The following QRFP variants were observed in gnomAD, a reference collection of about 807,000 sequenced individuals.
QRFP encodes the protein orexigenic neuropeptide QRFP.
A neutral mutation model predicts 9.1 loss-of-function variants in QRFP; 7 were observed. The observed-to-expected ratio is 0.77, with a 90% CI of 0.44 to 1.45. QRFP has a LOEUF of 1.45. Ranked by LOEUF, QRFP falls within the 40% of genes most tolerant of loss-of-function variation. The pLI is 0.01. For synonymous variants in QRFP, 91 were observed against 80.2 expected, an observed-to-expected ratio of 1.13 and a Z score of -0.72; for missense variants, 204 against 185.4, an observed-to-expected ratio of 1.10 and a Z score of -0.58.
In QRFP at chr9:130,893,237, C is replaced by G. The variant is rs1406329806; in HGVS notation, c.*191G>C. On this transcript the variant is annotated 3_prime_UTR_variant, in exon 3 of 3. Transcript: ENST00000623824. ...AAGACAGCCTCCTTTTTGACACTGC[C>G]TAGTTTTTCGCTTCAGCAAAGTTGG... 1 of 540,512 alleles carries G rather than the reference C, an allele frequency of 1.9e-6. No homozygotes were observed. The highest frequency in any genetic ancestry group is 3.1e-6 in the Non-Finnish European group (1 of 325,784). The allele number at this position is 540,512 out of a possible 1,614,324, so 33.5% of individuals were successfully genotyped here.
At position 130,893,455 on chromosome 9, in the gene QRFP, G is replaced by A; in HGVS notation, c.384C>T (p.Gly128=). 2 of 1,588,634 alleles carry A rather than the reference G, an allele frequency of 1.3e-6. No individual in the cohort carries two copies. Among genetic ancestry groups the A allele is most frequent in the South Asian group, 1.1e-5 (1 of 89,496 alleles). ...ELNGYSRKKG[G]FSFRFGRR ...ACCGCCGACCGAAGCGGAAGCTGAAGCCGCCTTTCTTCCTGCTGTAGCCAT... is the reference window on the plus strand; with the variant it reads ...ACCGCCGACCGAAGCGGAAGCTGAAACCGCCTTTCTTCCTGCTGTAGCCAT... The change falls in exon 3 of 3, where the codon GGC becomes GGT. Residue 128 remains glycine (G), a synonymous_variant. Transcript: ENST00000623824.
intron 2 of QRFP, among the ~76,000 whole-genome samples, chr9:130,895,075 C>T (rs1027230707): frequency 3.1e-4 from 47 of 152,180 alleles, no homozygotes; most frequent in Admixed American, 1.1e-3. Flanking sequence ...CATGCAACCC[C>T]ACTTTCTACC....
Position 130,893,596 on chromosome 9 carries a change from A to T in QRFP, c.243T>A (p.His81Gln). The change falls in exon 3 of 3, where the codon CAT (histidine) becomes CAA (glutamine). Residue 81 changes from histidine (H) to glutamine (Q), a missense_variant. Physicochemically the swap from His to Gln is conservative, Grantham distance 24 (BLOSUM62 0). Coordinates refer to ENST00000623824, the MANE Select transcript of QRFP (RefSeq NM_198180.3). The part of the protein sequence containing the change: ...ARGLQTSGRE[H>Q]AGCRFRFGRQ... ...TCCCGAAGCGGAATCTGCAGCCAGC[A>T]TGCTCTCTGCCCGATGTCTGCAGCC... 1.9e-6 allele frequency: 3 copies of T among 1,612,592 alleles called. No individual in the cohort carries two copies. Among genetic ancestry groups the T allele is most frequent in the Non-Finnish European group, 2.5e-6 (3 of 1,179,658 alleles).
At chr9:130,894,521 C>A (rs1404378151) in intron 2 of QRFP, among the ~76,000 whole-genome samples, 1 of 152,134 alleles carries the variant, frequency 6.6e-6, no homozygotes, top group Admixed American at 6.6e-5. Flanking sequence ...ACAAAACTGT[C>A]AGAAAAACTG....
In QRFP at chr9:130,893,688, A is replaced by T. The variant is rs753817825; in HGVS notation, c.151T>A (p.Ser51Thr). The T allele has an allele frequency of 6.2e-7, 1 of 1,608,288 alleles. No homozygotes were observed. Among genetic ancestry groups the T allele is most frequent in the Non-Finnish European group, 8.5e-7 (1 of 1,177,442 alleles). ...ADLAMGPRPH[S>T]VWGSSRWLRA... ...AGCCACCGAGAGGAACCCCACACGG[A>T]GTGGGGTCGGGGCCCCATGGCCAGG... The change falls in exon 3 of 3, where the codon TCC becomes ACC. Residue 51 changes from serine to threonine, a missense_variant. Coordinates refer to ENST00000623824, the MANE Select transcript of QRFP (RefSeq NM_198180.3).
intron 2 of QRFP, among the ~76,000 whole-genome samples, chr9:130,894,774 C>CT (rs1256450695): frequency 6.6e-6 from 1 of 152,152 alleles, no homozygotes; most frequent in African/African-American, 2.4e-5. Context: ...CGTGCCCTAA[C>CT]TCCCTCCTCT....
In QRFP at chr9:130,893,222, C is replaced by T; in HGVS notation, c.*206G>A. 1 of 489,208 alleles carries T rather than the reference C, an allele frequency of 2.0e-6. No homozygotes were observed. The highest frequency in any genetic ancestry group is 4.6e-5 in the South Asian group (1 of 21,968). 30.3% of individuals were successfully genotyped at this position (489,208 alleles called of 1,614,324 possible). ...GACGACCGAGGCTCCAAGACAGCCT[C>T]CTTTTTGACACTGCCTAGTTTTTCG... is the stretch of plus-strand genomic sequence containing the variant. On this transcript the variant is annotated 3_prime_UTR_variant, in exon 3 of 3. Transcript: ENST00000623824.
In QRFP at chr9:130,893,715, C is replaced by T. The variant is rs767309119; in HGVS notation, c.124G>A (p.Asp42Asn). Residue 42 changes from aspartate (D) to asparagine (N), a missense_variant, in exon 3 of 3, where the codon GAC becomes AAC. By Grantham distance (23) the Asp-to-Asn change is conservative. Transcript: ENST00000623824. ...TGGGGTCGGGGCCCCATGGCCAGGTCGGCCCAGCGTTCTCCAGCTCCGAGG... is the reference window on the plus strand; with the variant it reads ...TGGGGTCGGGGCCCCATGGCCAGGTTGGCCCAGCGTTCTCCAGCTCCGAGG... ...GGLGAGERWA[D>N]LAMGPRPHSV... is the part of the protein sequence containing the mutation. 22 of 1,610,346 alleles carry T rather than the reference C, an allele frequency of 1.4e-5. 1 individual carries two copies. The highest frequency in any genetic ancestry group is 5.0e-5 in the Admixed American group (3 of 59,740).
chr9:130,893,319 A>C lies in QRFP; in HGVS notation c.*109T>G. On this transcript the variant is annotated 3_prime_UTR_variant, in exon 3 of 3. Coordinates refer to ENST00000623824, the MANE Select transcript of QRFP (RefSeq NM_198180.3). The stretch of plus-strand genomic sequence containing the variant: ...CTACCATGGATCGTTCATCGTAACC[A>C]AGCCTACATCATCTGGGTGTCGTGG... 1 of 1,202,768 alleles carries C rather than the reference A, an allele frequency of 8.3e-7. No individual in the cohort carries two copies. The highest frequency in any genetic ancestry group is 1.2e-6 in the Non-Finnish European group (1 of 857,502). 74.5% of individuals were successfully genotyped at this position (1,202,768 alleles called of 1,614,324 possible). A position where few individuals can be genotyped will look rare whatever the true frequency, so the allele number is the denominator to read the frequency against.
intron 2 of QRFP, among the ~76,000 whole-genome samples, chr9:130,894,047 A>G (rs1831725297): frequency 6.6e-6 from 1 of 152,260 alleles, no homozygotes; most frequent in Non-Finnish European, 1.5e-5. Context: ...CTTCTCCTGC[A>G]GTCCCCACGA....
At chr9:130,896,334 G>A (rs1831759375) in intron 1 of QRFP, among the ~76,000 whole-genome samples, 1 of 152,244 alleles carries the variant, frequency 6.6e-6, no homozygotes, top group Non-Finnish European at 1.5e-5. Context: ...CAGGACAGCA[G>A]TGGAGCATTT....
In QRFP at chr9:130,895,920, A is replaced by T. The variant is rs937550352; in HGVS notation, c.-224T>A. 6.6e-6 allele frequency: 1 copy of T among 152,286 alleles called. No individual in the cohort carries two copies. Among genetic ancestry groups the T allele is most frequent in the African/African-American group, 2.4e-5 (1 of 41,428 alleles). The allele number at this position is 152,286 out of a possible 1,614,324, so 9.4% of individuals were successfully genotyped here. A position where few individuals can be genotyped will look rare whatever the true frequency, so the allele number is the denominator to read the frequency against. Reference sequence around the variant, plus strand: ...CTGTTGTTGAAGAGGGGCAGTGCTGACCGCGTTGATAAAAACAACCTCACA... The same window carrying T: ...CTGTTGTTGAAGAGGGGCAGTGCTGTCCGCGTTGATAAAAACAACCTCACA... On this transcript the variant is annotated 5_prime_UTR_variant, in exon 2 of 3. Transcript: ENST00000623824.
chr9:130,893,630 A>C lies in QRFP; in HGVS notation c.209T>G (p.Ile70Arg), dbSNP rs1588287479. 5.0e-6 allele frequency: 8 copies of C among 1,608,964 alleles called. No homozygotes were observed. The highest frequency in any genetic ancestry group is 6.8e-6 in the Non-Finnish European group (8 of 1,177,038). Reference protein sequence around the residue: ...RASQPQALLVIARGLQTSGRE... With the variant: ...RASQPQALLVRARGLQTSGRE... ...GCCCGATGTCTGCAGCCCCCTGGCT[A>C]TGACAAGCAGGGCCTGTGGCTGTGA... Residue 70 changes from isoleucine to arginine, a missense_variant, in exon 3 of 3, where the codon ATA becomes AGA. By Grantham distance (97) the Ile-to-Arg change is moderately conservative (BLOSUM62 -3). Coordinates refer to ENST00000623824, the MANE Select transcript of QRFP (RefSeq NM_198180.3).
chr9:130,895,551 G>A (rs551627726), intron 2 of QRFP, 146 bp downstream of exon 2: 1 of 152,588 alleles, frequency 6.6e-6, no homozygotes, highest in East Asian at 1.9e-4. Context: ...TGCTGCTCTG[G>A]GCTGTTGGCA....
At chr9:130,896,328 A>G (rs990166334) in intron 1 of QRFP, among the ~76,000 whole-genome samples, 1 of 152,210 alleles carries the variant, frequency 6.6e-6, no homozygotes, top group Admixed American at 6.5e-5. Context: ...GATGCCCAGG[A>G]CAGCAGTGGA....
In QRFP at chr9:130,893,581, G is replaced by A. The variant is rs1831716811; in HGVS notation, c.258C>T (p.Phe86=). 1 of 1,612,676 alleles carries A rather than the reference G, an allele frequency of 6.2e-7. No individual in the cohort carries two copies. The highest frequency in any genetic ancestry group is 1.1e-5 in the South Asian group (1 of 91,016). ...TSGREHAGCR[F]RFGRQDEGSE... ...TGCCTTCGTCCTGCCTCCCGAAGCG[G>A]AATCTGCAGCCAGCATGCTCTCTGC... The change falls in exon 3 of 3, where the codon TTC becomes TTT. Residue 86 remains phenylalanine, a synonymous_variant. Coordinates refer to ENST00000623824, the MANE Select transcript of QRFP (RefSeq NM_198180.3).
chr9:130,893,955 A>G, intron 2 of QRFP, 117 bp from the exon 3 acceptor site: 1 of 977,746 alleles, frequency 1.0e-6, no homozygotes, highest in Middle Eastern at 2.9e-4. Context: ...GGCTCAGCTG[A>G]GCCCGGCTTC....
chr9:130,893,596 A>G lies in QRFP; in HGVS notation c.243T>C (p.His81=), dbSNP rs769784068. The change falls in exon 3 of 3, where the codon CAT becomes CAC. Residue 81 remains histidine (H), a synonymous_variant. Transcript: ENST00000623824. ...TCCCGAAGCGGAATCTGCAGCCAGC[A>G]TGCTCTCTGCCCGATGTCTGCAGCC... ...ARGLQTSGRE[H]AGCRFRFGRQ... 6.2e-7 allele frequency: 1 copy of G among 1,612,592 alleles called. No individual in the cohort carries two copies. Among genetic ancestry groups the G allele is most frequent in the African/African-American group, 1.3e-5 (1 of 75,052 alleles).
Position 130,893,163 on chromosome 9 carries a change from C to T in QRFP, c.*265G>A, listed in dbSNP as rs557522277. On this transcript the variant is annotated 3_prime_UTR_variant, in exon 3 of 3. Transcript: ENST00000623824. ...GTGCCCCTGGGGCCAGGGGGCTGCT[C>T]GGAGTCAAAGCCCCAGGGGAAGAGA... is the stretch of plus-strand genomic sequence containing the variant. The T allele has an allele frequency of 8.8e-6, 3 of 340,530 alleles. No individual in the cohort carries two copies. The highest frequency in any genetic ancestry group is 1.6e-5 in the Non-Finnish European group (3 of 188,880). 21.1% of individuals were successfully genotyped at this position (340,530 alleles called of 1,614,324 possible).
Sources: gnomAD v4.1 joint callset for allele counts (sites outside exome capture counted in the v4.1 genomes callset) on GRCh38, gnomAD v4.1.1 for gene constraint, MANE v1.5 for transcripts, NCBI Gene and HGNC (gene_info 2026-07-23, HGNC 2026-07-21) for gene names.